The following MAST3 variants were observed in gnomAD, a reference collection of about 807,000 sequenced individuals.
The protein encoded by MAST3 is microtubule associated serine/threonine kinase 3.
MAST3 carries 43 observed loss-of-function variants against 127.0 expected under a neutral mutation model. The observed-to-expected ratio is 0.34, with a 90% CI of 0.27 to 0.44. The LOEUF is 0.44. MAST3 is among the 20% of genes least tolerant of loss of function. The probability of loss-of-function intolerance (pLI) is 1.00; values close to 1 mark genes in which losing one functional copy is unlikely to be tolerated. For missense variants in MAST3, 1,390 were observed against 1,919.1 expected, an observed-to-expected ratio of 0.72 and a Z score of 5.15; for synonymous variants, 785 against 809.2, an observed-to-expected ratio of 0.97 and a Z score of 0.51.
intron 20 of MAST3, among the ~76,000 whole-genome samples, chr19:18,140,389 GATA>G (rs1486982434): frequency 2.0e-5 from 3 of 151,912 alleles, no homozygotes; most frequent in African/African-American, 7.3e-5. Flanking sequence ...AAAAAATAAT[GATA>G]ATAATAAAGT....
rs756224467 is a variant in MAST3 at position 18,143,916 on chromosome 19, T to C, written c.2493T>C (p.Pro831=). The C allele has an allele frequency of 5.0e-6, 8 of 1,613,472 alleles. No individual in the cohort carries two copies. The African/African-American group carries it at 9.3e-5, about 19-fold the overall frequency. Residue 831 remains proline, a synonymous_variant, in exon 22 of 28, where the codon CCT becomes CCC. Transcript: ENST00000687212. ...SSEDEGVGPG[P]AGPKRPVFIL... is the part of the protein sequence containing the mutation. ...AGGATGAGGGGGTAGGCCCAGGCCC[T>C]GCAGGCCCCAAGAGGCCCGTCTTCA...
In MAST3 at chr19:18,145,663, C is replaced by A; in HGVS notation, c.3040-80C>A. On this transcript the variant is annotated intron_variant, in intron 24 of 27. Transcript: ENST00000687212. The surrounding 1 kb of genome is among the most constrained non-coding windows in gnomAD (Gnocchi z 5.9). ...CAAGAGGCAGCAGCTTGCTGGGGTCCCACAGCAGACCCAGCCTGGGCTGGG... is the reference window on the plus strand; with the variant it reads ...CAAGAGGCAGCAGCTTGCTGGGGTCACACAGCAGACCCAGCCTGGGCTGGG... 6.9e-7 allele frequency: 1 copy of A among 1,449,378 alleles called. No homozygotes were observed. Among genetic ancestry groups the A allele is most frequent in the Non-Finnish European group, 9.1e-7 (1 of 1,097,064 alleles). 89.8% of individuals were successfully genotyped at this position (1,449,378 alleles called of 1,614,324 possible). A position where few individuals can be genotyped will look rare whatever the true frequency, so the allele number is the denominator to read the frequency against.
At position 18,147,575 on chromosome 19, in the gene MAST3, C is replaced by T. The variant is rs760471774; in HGVS notation, c.3459C>T (p.Ser1153=). Residue 1153 remains serine (S), a synonymous_variant, in exon 27 of 28, where the codon TCC becomes TCT. Coordinates refer to ENST00000687212, the MANE Select transcript of MAST3 (RefSeq NM_001393504.1). ...SLPGSPTHSL[S]PSPTTPCRSP... ...CCGGCTCGCCCACCCACAGCCTCTC[C>T]CCCAGCCCCACCACTCCCTGCCGAA... The T allele has an allele frequency of 6.3e-7, 1 of 1,579,190 alleles. No individual in the cohort carries two copies.
At position 18,151,176 on chromosome 19, in the gene MAST3, T is replaced by C. The variant is rs2043497750; in HGVS notation, c.*1450T>C. Reference sequence around the variant, plus strand: ...CTGTGTGGCTCTGGGAAAATGGCTTTCCCACTCTGTGCCTCAGTTTCCTTG... The same window carrying C: ...CTGTGTGGCTCTGGGAAAATGGCTTCCCCACTCTGTGCCTCAGTTTCCTTG... On this transcript the variant is annotated 3_prime_UTR_variant, in exon 28 of 28. Transcript: ENST00000687212. 6.6e-6 allele frequency: 1 copy of C among 152,236 alleles called. No homozygotes were observed. The highest frequency in any genetic ancestry group is 2.1e-4 in the South Asian group (1 of 4,834). The allele number at this position is 152,236 out of a possible 1,614,324, so 9.4% of individuals were successfully genotyped here. A position where few individuals can be genotyped will look rare whatever the true frequency, so the allele number is the denominator to read the frequency against.
chr19:18,130,517 G>A lies in MAST3; in HGVS notation c.1247G>A (p.Arg416His), dbSNP rs200890994. 467 of 1,607,170 alleles carry A rather than the reference G, an allele frequency of 2.9e-4. No individual in the cohort carries two copies. Among genetic ancestry groups the A allele is most frequent in the Non-Finnish European group, 3.5e-4 (414 of 1,176,640 alleles). Residue 416 changes from arginine to histidine, a missense_variant, in exon 14 of 28, where the codon CGT becomes CAT. Physicochemically the swap from Arg to His is conservative, Grantham distance 29 (BLOSUM62 0). This residue lies in a region of MAST3 where 277 missense variants were observed against 384.8 expected (regional missense o/e 0.72). Coordinates refer to ENST00000687212, the MANE Select transcript of MAST3 (RefSeq NM_001393504.1). ...AGGGCCGTCTACCTGGTGCGGCACC[G>A]TGACACACGGCAGCGCTTTGCCATC... ...AYGAVYLVRH[R>H]DTRQRFAIKK...
intron 1 of MAST3, among the ~76,000 whole-genome samples, chr19:18,104,313 C>T (rs1034320444): frequency 1.3e-5 from 2 of 151,404 alleles, no homozygotes; most frequent in Non-Finnish European, 2.9e-5. Flanking sequence ...AACTAAACGC[C>T]GTGAGTTGTC....
chr19:18,103,133 G>A (rs572307638), intron 1 of MAST3, among the ~76,000 whole-genome samples: 3 of 152,284 alleles, frequency 2.0e-5, no homozygotes, highest in Admixed American at 1.3e-4. Context: ...CAGATGGTGC[G>A]GGGACCGAAG....
At chr19:18,135,270 G>T (rs2041774083) in intron 17 of MAST3, among the ~76,000 whole-genome samples, 1 of 152,062 alleles carries the variant, frequency 6.6e-6, no homozygotes, top group African/African-American at 2.4e-5. Context: ...TTTAAGACCA[G>T]CCTGGACAAC....
chr19:18,131,336 G>A (rs62123601), intron 14 of MAST3, among the ~76,000 whole-genome samples: 16,119 of 149,298 alleles, frequency 0.11, 1,720 homozygotes, highest in Admixed American at 0.15. Flanking sequence ...CCGAGACTGC[G>A]CCACTGCACT....
At chr19:18,124,466 G>C in intron 10 of MAST3, 100 bp downstream of exon 10, 1 of 1,374,612 alleles carries the variant, frequency 7.3e-7, no homozygotes, top group Non-Finnish European at 1.0e-6. Context: ...CCATCGTGTA[G>C]GGCTTTGAGA....
chr19:18,098,967 G>A (rs2037286833), intron 1 of MAST3: 1 of 340,762 alleles, frequency 2.9e-6, no homozygotes, highest in Admixed American at 3.7e-5. Context: ...GGAGCCCTGG[G>A]GTAGAGGAGG....
At position 18,150,003 on chromosome 19, in the gene MAST3, T is replaced by G; in HGVS notation, c.*277T>G. On this transcript the variant is annotated 3_prime_UTR_variant, in exon 28 of 28. Transcript: ENST00000687212. ...TTTTTTTCTTTTTTTTTTTTTTTTT[T>G]TGAGACAGAGTCTCACTCTGTTGCC... 6.0e-6 allele frequency: 2 copies of G among 332,900 alleles called. No homozygotes were observed. The highest frequency in any genetic ancestry group is 1.1e-5 in the Non-Finnish European group (2 of 182,884). 20.6% of individuals were successfully genotyped at this position (332,900 alleles called of 1,614,324 possible).
rs373396984 is a variant in MAST3 at position 18,145,764 on chromosome 19, G to T, written c.3061G>T (p.Ala1021Ser). The T allele has an allele frequency of 1.3e-6, 2 of 1,586,386 alleles. No individual in the cohort carries two copies. The highest frequency in any genetic ancestry group is 2.4e-5 in the East Asian group (1 of 42,408). Residue 1021 changes from alanine to serine, a missense_variant, in exon 25 of 28, where the codon GCC (alanine) becomes TCC (serine). Transcript: ENST00000687212. This position sits in a 1 kb window ranked among gnomAD's most constrained non-coding sequence, Gnocchi z 5.9. ...CCAGAGTGTGGAGGACGGAAGCCCCGCCCAGGAGGCGGGCCTGCGGGCTGG... is the reference window on the plus strand; with the variant it reads ...CCAGAGTGTGGAGGACGGAAGCCCCTCCCAGGAGGCGGGCCTGCGGGCTGG... ...VVWSVEDGSP[A>S]QEAGLRAGDL...
At chr19:18,128,757 G>T (rs1363426804) in intron 12 of MAST3, 109 bp from the exon 13 acceptor site, 2 of 856,470 alleles carry the variant, frequency 2.3e-6, no homozygotes, top group Non-Finnish European at 3.8e-6. Flanking sequence ...AGTTTGGACA[G>T]GGGAGGAGGT....
At chr19:18,099,734 A>G (rs1351931076) in intron 1 of MAST3, among the ~76,000 whole-genome samples, 1 of 152,198 alleles carries the variant, frequency 6.6e-6, no homozygotes, top group Non-Finnish European at 1.5e-5. Context: ...CATTCCGGGC[A>G]GAGGCCACAG....
intron 20 of MAST3, 60 bp from the exon 21 acceptor site, chr19:18,141,822 C>G: frequency 7.8e-7 from 1 of 1,283,110 alleles, no homozygotes; most frequent in Non-Finnish European, 1.0e-6. Flanking sequence ...TCTGAAAGTG[C>G]TGGGATTACA....
chr19:18,149,538 C>T lies in MAST3; in HGVS notation c.3856C>T (p.Leu1286Phe). Residue 1286 changes from leucine to phenylalanine, a missense_variant, in exon 28 of 28, where the codon CTC (leucine) becomes TTC (phenylalanine). Coordinates refer to ENST00000687212, the MANE Select transcript of MAST3 (RefSeq NM_001393504.1). This position sits in a 1 kb window ranked among gnomAD's most constrained non-coding sequence, Gnocchi z 5.9. ...GRRTRGPEAE[L>F]VVMRRLHLSE... ...GCGCACTCGTGGGCCAGAGGCCGAG[C>T]TCGTGGTCATGCGGCGGCTGCACCT... 6.4e-7 allele frequency: 1 copy of T among 1,563,212 alleles called. No individual in the cohort carries two copies. Among genetic ancestry groups the T allele is most frequent in the Non-Finnish European group, 8.7e-7 (1 of 1,154,790 alleles).
At chr19:18,102,443 T>A (rs1465910508) in intron 1 of MAST3, among the ~76,000 whole-genome samples, 1 of 151,108 alleles carries the variant, frequency 6.6e-6, no homozygotes, top group Non-Finnish European at 1.5e-5. Flanking sequence ...CCTCCCAAAG[T>A]CCTGGGATTA....
At chr19:18,140,587 T>C (rs2042366442) in intron 20 of MAST3, among the ~76,000 whole-genome samples, 1 of 152,164 alleles carries the variant, frequency 6.6e-6, no homozygotes, top group Non-Finnish European at 1.5e-5. Flanking sequence ...CAATTCACAC[T>C]ATGTGGCCTT....
Sources: allele counts gnomAD v4.1 joint callset (sites outside exome capture counted in the v4.1 genomes callset), GRCh38; gene constraint gnomAD v4.1.1; regional missense constraint gnomAD v4.1.1; non-coding constraint Gnocchi (gnomAD v3.1); transcripts MANE v1.5; gene names NCBI Gene and HGNC (gene_info 2026-07-23, HGNC 2026-07-21).